Variants in IMMP2L observed in about 807,000 individuals in gnomAD.
The protein encoded by IMMP2L is inner mitochondrial membrane peptidase subunit 2.
A neutral mutation model predicts 19.3 loss-of-function variants in IMMP2L; 18 were observed. The ratio of observed to expected loss-of-function variants is 0.93; its 90% CI spans 0.64 to 1.38. The LOEUF (loss-of-function observed/expected upper bound fraction) is 1.38. Among genes scored for constraint, IMMP2L ranks in the 40% most tolerant of loss-of-function variants. IMMP2L has a pLI of 0.00. For synonymous variants in IMMP2L, 76 were observed against 73.0 expected (o/e 1.04, Z -0.21); for missense variants, 233 against 218.2 (o/e 1.07, Z -0.43).
At chr7:111,135,665 CA>C (rs2129595687) in intron 3 of IMMP2L, among the ~76,000 whole-genome samples, 1 of 152,280 alleles carries the variant, frequency 6.6e-6, no homozygotes, top group South Asian at 2.1e-4. Context: ...ATAATTTTTA[CA>C]TGTTAATAAC....
At chr7:111,373,457 T>C (rs1244019829) in intron 3 of IMMP2L, among the ~76,000 whole-genome samples, 1 of 152,066 alleles carries the variant, frequency 6.6e-6, no homozygotes, top group Non-Finnish European at 1.5e-5. Flanking sequence ...TCACTGCTAC[T>C]AAGTAAGGTG....
rs996753121 is a variant in IMMP2L at position 110,855,963 on chromosome 7, T to C, written c.408+30630A>G. Among the ~76,000 whole-genome samples, 22 of 151,946 alleles carry C rather than the reference T, an allele frequency of 1.4e-4. 1 individual carries two copies. The highest frequency in any genetic ancestry group is 5.3e-4 in the African/African-American group (22 of 41,346). On this transcript the variant is annotated intron_variant, in intron 5 of 5. Coordinates refer to ENST00000405709, the MANE Select transcript of IMMP2L (RefSeq NM_032549.4). ...ACTCAATACTCAAATAATAATGTGA[T>C]AGACCGAACAATAGAAAACTGTATG...
At chr7:110,866,436 G>A (rs539355259) in intron 5 of IMMP2L, among the ~76,000 whole-genome samples, 48 of 151,662 alleles carry the variant, frequency 3.2e-4, no homozygotes, top group African/African-American at 1.1e-3. Context: ...GAGAGGACAG[G>A]GTATTCCAGG....
intron 3 of IMMP2L, among the ~76,000 whole-genome samples, chr7:111,413,632 C>CAATATAT (rs1370732828): frequency 1.3e-5 from 2 of 151,514 alleles, no homozygotes; most frequent in East Asian, 3.9e-4. Flanking sequence ...TACAGAAAAG[C>CAATATAT]ATGTGGCAAT....
chr7:111,444,137 C>A (rs1327869470), intron 3 of IMMP2L, among the ~76,000 whole-genome samples: 1 of 151,606 alleles, frequency 6.6e-6, no homozygotes, highest in East Asian at 1.9e-4. Context: ...TTTCTATTTT[C>A]CCCATTCTCA....
At chr7:110,891,820 G>A (rs1810828826) in intron 4 of IMMP2L, among the ~76,000 whole-genome samples, 1 of 152,100 alleles carries the variant, frequency 6.6e-6, no homozygotes, top group Non-Finnish European at 1.5e-5. Context: ...ATTCAATACA[G>A]AGAGCTAAAG....
intron 3 of IMMP2L, among the ~76,000 whole-genome samples, chr7:111,105,488 G>A (rs1010537352): frequency 1.3e-5 from 2 of 151,794 alleles, no homozygotes; most frequent in Non-Finnish European, 2.9e-5. Flanking sequence ...ACTTACTGAC[G>A]GACAATTTAC....
At chr7:111,507,018 T>C (rs1844978028) in intron 2 of IMMP2L, among the ~76,000 whole-genome samples, 1 of 152,010 alleles carries the variant, frequency 6.6e-6, no homozygotes, top group Non-Finnish European at 1.5e-5. Context: ...AGTTTTCTAT[T>C]TTTAGTAGAG....
chr7:110,763,665 G>A (rs1798484423), intron 5 of IMMP2L, among the ~76,000 whole-genome samples: 1 of 152,072 alleles, frequency 6.6e-6, no homozygotes, highest in Non-Finnish European at 1.5e-5. Flanking sequence ...TGCCTGCCAA[G>A]TTCAGCCAAA....
intron 4 of IMMP2L, among the ~76,000 whole-genome samples, chr7:110,944,890 A>G (rs1428281836): frequency 6.6e-6 from 1 of 151,992 alleles, no homozygotes; most frequent in Non-Finnish European, 1.5e-5. Context: ...ACTGACATAC[A>G]TTTAGAATGT....
chr7:110,960,565 T>G (rs922520555), intron 4 of IMMP2L, among the ~76,000 whole-genome samples: 3 of 151,960 alleles, frequency 2.0e-5, no homozygotes, highest in African/African-American at 7.2e-5. Context: ...TTGCAAATAC[T>G]AAAAATGTAT....
At chr7:111,360,455 T>G (rs568848592) in intron 3 of IMMP2L, among the ~76,000 whole-genome samples, 1 of 152,092 alleles carries the variant, frequency 6.6e-6, no homozygotes, top group African/African-American at 2.4e-5. Context: ...ACACAACATA[T>G]TGAATGCAAA....
At chr7:111,476,301 T>C (rs1052887567) in intron 3 of IMMP2L, among the ~76,000 whole-genome samples, 2 of 151,024 alleles carry the variant, frequency 1.3e-5, no homozygotes, top group African/African-American at 4.8e-5. Context: ...GAAAAGAAAA[T>C]AATACTTTTT....
At chr7:111,483,842 T>C (rs1842399197) in intron 3 of IMMP2L, 1 of 152,202 alleles carries the variant, frequency 6.6e-6, no homozygotes, top group Non-Finnish European at 1.5e-5. Flanking sequence ...TGTTTTGCCT[T>C]ATTAGTACAG....
intron 5 of IMMP2L, among the ~76,000 whole-genome samples, chr7:110,785,904 T>C (rs1334653114): frequency 6.6e-6 from 1 of 151,930 alleles, no homozygotes. Context: ...TTCATATTTC[T>C]ATATCTAGTT....
chr7:110,704,008 G>A (rs1794473303), intron 5 of IMMP2L, among the ~76,000 whole-genome samples: 1 of 151,886 alleles, frequency 6.6e-6, no homozygotes. Flanking sequence ...ACCACACCCG[G>A]CTAATTTTTT....
intron 4 of IMMP2L, among the ~76,000 whole-genome samples, chr7:110,928,584 A>C (rs1480718719): frequency 1.3e-5 from 2 of 152,062 alleles, no homozygotes; most frequent in African/African-American, 4.8e-5. Context: ...ATCAAACAGT[A>C]ATACACATAA....
intron 3 of IMMP2L, among the ~76,000 whole-genome samples, chr7:111,427,627 C>T (rs1563178876): frequency 1.3e-5 from 2 of 151,774 alleles, no homozygotes. Flanking sequence ...AAACAGAAGA[C>T]TGTTTCTATT....
At chr7:110,674,056 C>T (rs562573641) in intron 5 of IMMP2L, among the ~76,000 whole-genome samples, 5 of 152,308 alleles carry the variant, frequency 3.3e-5, no homozygotes, top group Admixed American at 6.5e-5. Flanking sequence ...TAAAGACCTA[C>T]TTGAGACTGT....
Sources: gnomAD v4.1 joint callset for allele counts (sites outside exome capture counted in the v4.1 genomes callset) on GRCh38, gnomAD v4.1.1 for gene constraint, MANE v1.5 for transcripts, NCBI Gene and HGNC (gene_info 2026-07-23, HGNC 2026-07-21) for gene names.